DLGAP1: variants seen among roughly 807,000 people sequenced by gnomAD.
DLGAP1 encodes the protein DLG associated protein 1.
DLGAP1 carries 11 observed loss-of-function variants against 90.8 expected under a neutral mutation model. The observed-to-expected ratio is 0.12, with a 90% CI of 0.08 to 0.20. The LOEUF (loss-of-function observed/expected upper bound fraction) is 0.20, where lower values mean the gene tolerates loss of function less well. Ranked by LOEUF, DLGAP1 falls within the 10% of genes least tolerant of loss-of-function variation. The pLI, the probability that DLGAP1 is intolerant of heterozygous loss-of-function variation, is 1.00. For missense variants in DLGAP1, 1,050 were observed against 1,333.8 expected (o/e 0.79, Z 3.31); for synonymous variants, 558 against 540.7 (o/e 1.03, Z -0.44).
intron 7 of DLGAP1, among the ~76,000 whole-genome samples, chr18:3,685,895 C>T (rs772619661): frequency 9.2e-5 from 14 of 152,054 alleles, no homozygotes; most frequent in Non-Finnish European, 1.5e-4. Context: ...TGCTGTAGGC[C>T]GGAGGCAGTG....
intron 1 of DLGAP1, among the ~76,000 whole-genome samples, chr18:4,350,679 TAATA>T (rs996418088): frequency 2.6e-5 from 4 of 152,204 alleles, no homozygotes; most frequent in Admixed American, 1.3e-4. Flanking sequence ...CCTAGAACTT[TAATA>T]GAATTTCATA....
Position 3,819,700 on chromosome 18 carries a change from T to TAATCTCTTGGGC in DLGAP1, c.958-5428_958-5427insGCCCAAGAGATT, listed in dbSNP as rs544985348. On this transcript the variant is annotated intron_variant, in intron 4 of 12. Coordinates refer to ENST00000315677, the MANE Select transcript of DLGAP1 (RefSeq NM_004746.4). The stretch of plus-strand genomic sequence containing the variant: ...ACTGAGGTCAGGAGAGATTAGTAAC[T>TAATCTCTTGGGC]AGTGTAGGGTGACACTGCCCAAGCT... Among the ~76,000 whole-genome samples, 1,478 of 152,276 alleles carry TAATCTCTTGGGC rather than the reference T, an allele frequency of 9.7e-3. 16 individuals are homozygous for TAATCTCTTGGGC. The highest frequency in any genetic ancestry group is 0.041 in the Middle Eastern group (12 of 294).
intron 7 of DLGAP1, among the ~76,000 whole-genome samples, chr18:3,677,259 C>A (rs1372080652): frequency 6.6e-6 from 1 of 152,208 alleles, no homozygotes; most frequent in African/African-American, 2.4e-5. Flanking sequence ...ATCCCTTTAT[C>A]CTACACCGTA....
chr18:4,294,427 G>C (rs1009471582), intron 1 of DLGAP1: 2 of 152,296 alleles, frequency 1.3e-5, no homozygotes, highest in Non-Finnish European at 2.9e-5. Flanking sequence ...TGAAATGGGA[G>C]AGTTCCCTGG....
intron 2 of DLGAP1, among the ~76,000 whole-genome samples, chr18:4,008,199 A>C (rs143008385): frequency 6.7e-6 from 1 of 150,142 alleles, no homozygotes; most frequent in East Asian, 1.9e-4. Flanking sequence ...ACCAAACCCT[A>C]TATGTAAATA....
intron 9 of DLGAP1, among the ~76,000 whole-genome samples, chr18:3,552,529 G>A (rs1442227808): frequency 6.6e-6 from 1 of 152,194 alleles, no homozygotes; most frequent in Admixed American, 6.5e-5. Context: ...CCATGTAGAG[G>A]GTTCTGTGCC....
At chr18:3,505,968 G>A (rs2056374168) in intron 11 of DLGAP1, among the ~76,000 whole-genome samples, 1 of 152,226 alleles carries the variant, frequency 6.6e-6, no homozygotes, top group South Asian at 2.1e-4. Flanking sequence ...CAGGTGCGGT[G>A]GCTCACACCT....
At chr18:3,943,753 G>T (rs980888073) in intron 3 of DLGAP1, among the ~76,000 whole-genome samples, 3 of 152,176 alleles carry the variant, frequency 2.0e-5, no homozygotes, top group Non-Finnish European at 4.4e-5. Context: ...GTCTCGGAAT[G>T]TGACTGTACT....
chr18:4,092,844 T>C (rs1415634386), intron 2 of DLGAP1, among the ~76,000 whole-genome samples: 1 of 152,168 alleles, frequency 6.6e-6, no homozygotes, highest in East Asian at 1.9e-4. Flanking sequence ...GGAGTTCCCT[T>C]TGTGCCTGCA....
intron 1 of DLGAP1, among the ~76,000 whole-genome samples, chr18:4,324,301 G>A (rs966610566): frequency 1.3e-5 from 2 of 149,992 alleles, no homozygotes; most frequent in African/African-American, 2.5e-5. Context: ...ATACAATCTC[G>A]TATGACTGAA....
intron 1 of DLGAP1, among the ~76,000 whole-genome samples, chr18:4,290,841 T>C (rs2145505051): frequency 1.3e-5 from 2 of 152,266 alleles, no homozygotes; most frequent in African/African-American, 4.8e-5. Context: ...GTGGTCTATC[T>C]TTTTCACGCT....
intron 2 of DLGAP1, among the ~76,000 whole-genome samples, chr18:4,110,548 T>A (rs1396114108): frequency 1.3e-5 from 2 of 152,198 alleles, no homozygotes; most frequent in African/African-American, 4.8e-5. Flanking sequence ...TATGAATATA[T>A]CAGGTCCCCA....
intron 4 of DLGAP1, among the ~76,000 whole-genome samples, chr18:3,846,373 T>C (rs2031934407): frequency 1.3e-5 from 2 of 152,146 alleles, no homozygotes; most frequent in African/African-American, 4.8e-5. Context: ...TAAGGAAAAT[T>C]ATAATTAAAT....
At chr18:4,451,836 G>A (rs2083840904) in intron 1 of DLGAP1, among the ~76,000 whole-genome samples, 1 of 152,062 alleles carries the variant, frequency 6.6e-6, no homozygotes, top group Non-Finnish European at 1.5e-5. Flanking sequence ...TTTTGTGATA[G>A]TGTTTCTTTA....
intron 1 of DLGAP1, among the ~76,000 whole-genome samples, chr18:4,269,250 C>A (rs1333479469): frequency 6.7e-6 from 1 of 150,294 alleles, no homozygotes. Flanking sequence ...ACAATGTTGA[C>A]TCCCTGAAAG....
intron 2 of DLGAP1, among the ~76,000 whole-genome samples, chr18:4,018,967 A>C (rs1424193182): frequency 5.3e-5 from 8 of 152,254 alleles, no homozygotes; most frequent in Non-Finnish European, 1.0e-4. Flanking sequence ...AGGCTTTAAA[A>C]AGGAAATAAT....
At chr18:3,767,545 C>T (rs1309116494) in intron 5 of DLGAP1, among the ~76,000 whole-genome samples, 3 of 151,982 alleles carry the variant, frequency 2.0e-5, no homozygotes, top group Non-Finnish European at 4.4e-5. Context: ...AAGAATTATA[C>T]ACCATGACCA....
At chr18:4,186,416 A>T (rs7505253) in intron 1 of DLGAP1, among the ~76,000 whole-genome samples, 1 of 152,002 alleles carries the variant, frequency 6.6e-6, no homozygotes, top group Non-Finnish European at 1.5e-5. Context: ...TGGCTTTTAC[A>T]TTTAAGTCTT....
At chr18:4,281,388 T>TA (rs1373478928) in intron 1 of DLGAP1, among the ~76,000 whole-genome samples, 3 of 151,918 alleles carry the variant, frequency 2.0e-5, no homozygotes, top group African/African-American at 7.3e-5. Context: ...CCGTCTGTAC[T>TA]AAAAAAATAC....
Sources: gnomAD v4.1 joint callset for allele counts (sites outside exome capture counted in the v4.1 genomes callset) on GRCh38, gnomAD v4.1.1 for gene constraint, MANE v1.5 for transcripts, NCBI Gene and HGNC (gene_info 2026-07-23, HGNC 2026-07-21) for gene names.